PTPRR: variants seen among roughly 807,000 people sequenced by gnomAD.
PTPRR encodes the protein receptor-type tyrosine-protein phosphatase R.
In PTPRR, 38 loss-of-function variants were observed where a neutral mutation model predicts 77.2. The observed-to-expected ratio is 0.49, with a 90% CI of 0.38 to 0.65. The LOEUF (loss-of-function observed/expected upper bound fraction) is 0.65, where lower values mean the gene tolerates loss of function less well. PTPRR is among the 30% of genes least tolerant of loss of function. PTPRR has a pLI of 0.00. For missense variants in PTPRR, 744 were observed against 799.2 expected (o/e 0.93, Z 0.83); for synonymous variants, 299 against 283.1 (o/e 1.06, Z -0.57).
chr12:70,693,390 G>A (rs558965882), intron 8 of PTPRR, among the ~76,000 whole-genome samples: 7 of 152,080 alleles, frequency 4.6e-5, no homozygotes, highest in Non-Finnish European at 1.0e-4. Flanking sequence ...TCAACCTCCC[G>A]GGCTCAAGTG....
At chr12:70,870,007 G>C (rs778165589) in intron 2 of PTPRR, among the ~76,000 whole-genome samples, 1 of 152,330 alleles carries the variant, frequency 6.6e-6, no homozygotes, top group African/African-American at 2.4e-5. Flanking sequence ...CAGAGAGAAG[G>C]CTGTGGGAGG....
At position 70,883,183 on chromosome 12, in the gene PTPRR, C is replaced by A. The variant is rs529134739; in HGVS notation, c.357+9496G>T. On this transcript the variant is annotated intron_variant, in intron 2 of 13. Transcript: ENST00000283228. ...GGCTGAGGCAGGAGAATCGCTTGAACCCAGAAGGTGAAGGTTGCAGTGAGC... is the reference window on the plus strand; with the variant it reads ...GGCTGAGGCAGGAGAATCGCTTGAAACCAGAAGGTGAAGGTTGCAGTGAGC... Among the ~76,000 whole-genome samples, 5 of 152,248 alleles carry A rather than the reference C, an allele frequency of 3.3e-5. No individual in the cohort carries two copies. In the East Asian group the frequency reaches 9.7e-4, roughly 29 times the overall value.
rs1009628688 is a variant in PTPRR, at chr12:70,701,142, A to G, written c.1189T>C (p.Phe397Leu). The change falls in exon 7 of 14, where the codon TTC (phenylalanine) becomes CTC (leucine). Residue 397 changes from phenylalanine (F) to leucine (L), a missense_variant. Coordinates refer to ENST00000283228, the MANE Select transcript of PTPRR (RefSeq NM_002849.4). ...ACAATAAATAGAAGGCTCACCATGA[A>G]TTCACTTTGGAGTAAATGTGAACTT... Reference protein sequence around the residue: ...VASSHLLQSEFMEIPMNFVDP... With the variant: ...VASSHLLQSELMEIPMNFVDP... 1 of 1,613,762 alleles carries G rather than the reference A, an allele frequency of 6.2e-7. No homozygotes were observed. Among genetic ancestry groups the G allele is most frequent in the African/African-American group, 1.3e-5 (1 of 74,918 alleles).
chr12:70,736,327 A>G (rs2136901572), intron 6 of PTPRR, among the ~76,000 whole-genome samples: 1 of 152,332 alleles, frequency 6.6e-6, no homozygotes, highest in Middle Eastern at 3.4e-3. Context: ...ATTTGCTAAG[A>G]GGAAAAACAG....
intron 2 of PTPRR, among the ~76,000 whole-genome samples, chr12:70,772,634 A>G (rs867847047): frequency 3.3e-5 from 5 of 152,128 alleles, no homozygotes; most frequent in African/African-American, 9.7e-5. Flanking sequence ...GGGTCTCTCA[A>G]TGCTTGCATG....
chr12:70,691,017 A>G lies in PTPRR; in HGVS notation c.1280-6234T>C, dbSNP rs143115376. Among the ~76,000 whole-genome samples the G allele has an allele frequency of 1.4e-4, 22 of 152,148 alleles. No individual in the cohort carries two copies. In the East Asian group the frequency reaches 4.2e-3, roughly 29 times the overall value. On this transcript the variant is annotated intron_variant, in intron 8 of 13. Transcript: ENST00000283228. Reference sequence around the variant, plus strand: ...CTGCACTGATTTAAAGATCTCTTCTATTTTTTAAAAAAAGGTCAGTTCTAT... The same window carrying G: ...CTGCACTGATTTAAAGATCTCTTCTGTTTTTTAAAAAAAGGTCAGTTCTAT...
intron 6 of PTPRR, among the ~76,000 whole-genome samples, chr12:70,722,993 T>C (rs191200948): frequency 2.3e-4 from 35 of 152,346 alleles, no homozygotes; most frequent in African/African-American, 8.2e-4. Context: ...ACTGAGTTTT[T>C]ACTGTTTAGA....
intron 8 of PTPRR, 148 bp downstream of exon 8, chr12:70,698,117 T>C: frequency 5.8e-6 from 3 of 518,288 alleles, no homozygotes; most frequent in Non-Finnish European, 1.0e-5. Flanking sequence ...GTGCAGAATG[T>C]GCAGGTTTGT....
At chr12:70,831,200 C>CA (rs1251079120) in intron 2 of PTPRR, among the ~76,000 whole-genome samples, 2 of 152,050 alleles carry the variant, frequency 1.3e-5, no homozygotes, top group Admixed American at 6.5e-5. Flanking sequence ...GATTGAACAA[C>CA]AAAAAAACTC....
chr12:70,866,217 A>G (rs1276822822), intron 2 of PTPRR, among the ~76,000 whole-genome samples: 4 of 152,126 alleles, frequency 2.6e-5, no homozygotes, highest in Non-Finnish European at 1.5e-5. Context: ...AGACACAAAA[A>G]ACCCTTCAAA....
chr12:70,855,666 T>G (rs895872058), intron 2 of PTPRR, among the ~76,000 whole-genome samples: 5 of 152,152 alleles, frequency 3.3e-5, no homozygotes, highest in African/African-American at 1.2e-4. Flanking sequence ...AGATGATCAT[T>G]TTTGTTCTGA....
intron 13 of PTPRR, among the ~76,000 whole-genome samples, chr12:70,647,260 C>T (rs1477826792): frequency 6.6e-6 from 1 of 152,164 alleles, no homozygotes; most frequent in Admixed American, 6.5e-5. Flanking sequence ...TAAAATTCTT[C>T]CAGTGTCCAG....
At chr12:70,762,056 A>G (rs777159118) in intron 3 of PTPRR, among the ~76,000 whole-genome samples, 6 of 152,176 alleles carry the variant, frequency 3.9e-5, no homozygotes, top group Non-Finnish European at 8.8e-5. Context: ...TATTTTTATA[A>G]CTTGTGTTAA....
intron 2 of PTPRR, among the ~76,000 whole-genome samples, chr12:70,777,931 T>C (rs1043987978): frequency 3.3e-5 from 5 of 152,216 alleles, no homozygotes; most frequent in Non-Finnish European, 4.4e-5. Flanking sequence ...GCTGAAACCA[T>C]AATTTCTACA....
At chr12:70,748,253 A>G (rs956271793) in intron 5 of PTPRR, among the ~76,000 whole-genome samples, 2 of 152,132 alleles carry the variant, frequency 1.3e-5, no homozygotes, top group Non-Finnish European at 2.9e-5. Context: ...CTAGAATCCA[A>G]GTTTTGTGAC....
intron 10 of PTPRR, among the ~76,000 whole-genome samples, chr12:70,667,283 C>T (rs1453743318): frequency 2.0e-5 from 3 of 152,070 alleles, no homozygotes; most frequent in Non-Finnish European, 1.5e-5. Context: ...AAGAGGGCTT[C>T]TAACTATAGT....
Position 70,748,024 on chromosome 12 carries a change from T to A in PTPRR, c.739-1938A>T, listed in dbSNP as rs141034418. Among the ~76,000 whole-genome samples the A allele has an allele frequency of 4.5e-3, 679 of 152,060 alleles. 5 individuals carry two copies. The highest frequency in any genetic ancestry group is 0.011 in the Admixed American group (173 of 15,246). ...TGTGGGGGAAGGAGAAGGGAAAGGG[T>A]GCTACTGGCATCTGGTAGGCAGAGG... On this transcript the variant is annotated intron_variant, in intron 5 of 13. Coordinates refer to ENST00000283228, the MANE Select transcript of PTPRR (RefSeq NM_002849.4).
intron 1 of PTPRR, among the ~76,000 whole-genome samples, chr12:70,914,847 C>T (rs1056079586): frequency 2.6e-5 from 4 of 151,838 alleles, no homozygotes; most frequent in African/African-American, 7.3e-5. Context: ...GCAACAACAA[C>T]AACAACAAAA....
intron 2 of PTPRR, among the ~76,000 whole-genome samples, chr12:70,864,066 G>T (rs562214021): frequency 6.6e-6 from 1 of 152,166 alleles, no homozygotes; most frequent in Non-Finnish European, 1.5e-5. Flanking sequence ...GACATCCAAA[G>T]ACAGCCAAGA....
Sources: gnomAD v4.1 joint callset for allele counts (sites outside exome capture counted in the v4.1 genomes callset) on GRCh38, gnomAD v4.1.1 for gene constraint, MANE v1.5 for transcripts, NCBI Gene and HGNC (gene_info 2026-07-23, HGNC 2026-07-21) for gene names.